SDK1: variants seen among roughly 807,000 people sequenced by gnomAD.
The protein encoded by SDK1 is sidekick cell adhesion molecule 1.
SDK1 carries 157 observed loss-of-function variants against 245.5 expected under a neutral mutation model. That is an observed-to-expected ratio of 0.64 (90% CI 0.56 to 0.73). The LOEUF is 0.73. SDK1 is among the 30% of genes least tolerant of loss of function. The pLI is 0.00. For missense variants in SDK1, 3,583 were observed against 3,002.3 expected (o/e 1.19, Z -4.52); for synonymous variants, 1,647 against 1,278.5 (o/e 1.29, Z -6.15).
chr7:4,007,636 G>T (rs535800221), intron 14 of SDK1, among the ~76,000 whole-genome samples: 1 of 152,120 alleles, frequency 6.6e-6, no homozygotes, highest in South Asian at 2.1e-4. Context: ...ACAGAGTCTT[G>T]CTCTGTCGCC....
chr7:3,954,863 C>T lies in SDK1; in HGVS notation c.1150+2943C>T, dbSNP rs557122479. Among the ~76,000 whole-genome samples, 4 of 152,062 alleles carry T rather than the reference C, an allele frequency of 2.6e-5. No homozygotes were observed. In the East Asian group the frequency reaches 7.9e-4, roughly 30 times the overall value. ...CATAACTCTATTATCCTATATGTCC[C>T]ATTGCACTCGCTATTTACCAATAAT... On this transcript the variant is annotated intron_variant, in intron 7 of 44. Coordinates refer to ENST00000404826, the MANE Select transcript of SDK1 (RefSeq NM_152744.4).
chr7:3,850,229 T>G (rs765723509), intron 5 of SDK1, among the ~76,000 whole-genome samples: 1 of 152,238 alleles, frequency 6.6e-6, no homozygotes, highest in African/African-American at 2.4e-5. Flanking sequence ...AGAAGCCTTC[T>G]TCTCTGCATC....
intron 20 of SDK1, among the ~76,000 whole-genome samples, chr7:4,073,714 A>G (rs7789676): frequency 0.42 from 64,023 of 152,090 alleles, 16,399 homozygotes; most frequent in African/African-American, 0.72. Context: ...CCTTGCACAC[A>G]TCAGGAGGAG....
intron 9 of SDK1, among the ~76,000 whole-genome samples, chr7:3,965,202 T>C (rs1273680582): frequency 6.6e-6 from 1 of 152,020 alleles, no homozygotes; most frequent in Non-Finnish European, 1.5e-5. Flanking sequence ...AAACACAGGG[T>C]GCAGGCTGAA....
chr7:4,249,002 T>A (rs1203030020), intron 44 of SDK1, among the ~76,000 whole-genome samples: 1 of 149,486 alleles, frequency 6.7e-6, no homozygotes, highest in Non-Finnish European at 1.5e-5. Flanking sequence ...AACACATACA[T>A]ACCTAAATAC....
At chr7:3,473,149 C>G (rs1781236608) in intron 1 of SDK1, among the ~76,000 whole-genome samples, 1 of 152,162 alleles carries the variant, frequency 6.6e-6, no homozygotes, top group Admixed American at 6.5e-5. Flanking sequence ...AGCATTGACT[C>G]TGATTGAAGA....
intron 1 of SDK1, among the ~76,000 whole-genome samples, chr7:3,602,449 T>C (rs1319919048): frequency 2.1e-5 from 2 of 96,948 alleles, no homozygotes; most frequent in Non-Finnish European, 5.2e-5. Flanking sequence ...CATTTTTTCA[T>C]GTCTTTTGGC....
chr7:3,855,956 G>A (rs896273503), intron 5 of SDK1, among the ~76,000 whole-genome samples: 11 of 152,104 alleles, frequency 7.2e-5, no homozygotes, highest in Admixed American at 2.0e-4. Context: ...TACTCCAGCA[G>A]TAAAAAAGCT....
intron 14 of SDK1, among the ~76,000 whole-genome samples, chr7:3,992,036 C>G (rs1362026820): frequency 1.3e-5 from 2 of 152,250 alleles, no homozygotes; most frequent in African/African-American, 4.8e-5. Flanking sequence ...GCGCCATCTA[C>G]TAGGTCTGTC....
Position 3,969,328 on chromosome 7 carries a change from A to G in SDK1, c.1618A>G (p.Ile540Val), listed in dbSNP as rs768935778. Residue 540 changes from isoleucine (I) to valine (V), a missense_variant, in exon 11 of 45, where the codon ATC becomes GTC. By Grantham distance (29) the Ile-to-Val change is conservative. Transcript: ENST00000404826. ...GCTTCTTGAATCGGGGGGTCTACAGATCGCGCCCGTCTTCATCCAGGATGC... is the reference window on the plus strand; with the variant it reads ...GCTTCTTGAATCGGGGGGTCTACAGGTCGCGCCCGTCTTCATCCAGGATGC... ...FMLLESGGLQ[I>V]APVFIQDAGN... is the part of the protein sequence containing the mutation. The G allele has an allele frequency of 3.7e-6, 6 of 1,611,050 alleles. No individual in the cohort carries two copies. The highest frequency in any genetic ancestry group is 5.1e-6 in the Non-Finnish European group (6 of 1,178,800).
chr7:3,912,593 C>G (rs1779212684), intron 5 of SDK1, among the ~76,000 whole-genome samples: 2 of 152,236 alleles, frequency 1.3e-5, no homozygotes, highest in Admixed American at 1.3e-4. Context: ...CCACCCACAA[C>G]TCCTCCAAAT....
At chr7:3,675,184 T>G (rs905333411) in intron 4 of SDK1, among the ~76,000 whole-genome samples, 1 of 152,192 alleles carries the variant, frequency 6.6e-6, no homozygotes, top group African/African-American at 2.4e-5. Flanking sequence ...CATGGCAGCT[T>G]TATCTTTCAA....
intron 1 of SDK1, among the ~76,000 whole-genome samples, chr7:3,451,951 C>A (rs1252007119): frequency 1.3e-5 from 2 of 152,142 alleles, no homozygotes; most frequent in Non-Finnish European, 2.9e-5. Context: ...TCCTTATGAG[C>A]TCTGACTCCA....
At chr7:4,239,967 A>G (rs559538508) in intron 42 of SDK1, among the ~76,000 whole-genome samples, 143 of 152,354 alleles carry the variant, frequency 9.4e-4, no homozygotes, top group African/African-American at 3.2e-3. Context: ...TAAAAAAACC[A>G]GTCACCTAAA....
At chr7:4,104,702 GTATT>G (rs904849515) in intron 22 of SDK1, among the ~76,000 whole-genome samples, 1 of 152,054 alleles carries the variant, frequency 6.6e-6, no homozygotes, top group African/African-American at 2.4e-5. Flanking sequence ...ATGCATGTAT[GTATT>G]TATTTATTTA....
intron 2 of SDK1, among the ~76,000 whole-genome samples, chr7:3,622,384 G>A (rs188550760): frequency 5.9e-5 from 9 of 152,262 alleles, no homozygotes; most frequent in Non-Finnish European, 1.3e-4. Context: ...GGGAGGCTGA[G>A]GCAGGAGAAT....
At chr7:4,040,260 A>G (rs1008305195) in intron 17 of SDK1, among the ~76,000 whole-genome samples, 1 of 152,148 alleles carries the variant, frequency 6.6e-6, no homozygotes, top group Admixed American at 6.5e-5. Context: ...TTCTTAATCC[A>G]GTCCCTGCTC....
chr7:3,771,087 A>T (rs1780394762), intron 4 of SDK1, among the ~76,000 whole-genome samples: 1 of 151,850 alleles, frequency 6.6e-6, no homozygotes, highest in South Asian at 2.1e-4. Flanking sequence ...GGCTCTGCTG[A>T]TCTGGACTGA....
intron 1 of SDK1, among the ~76,000 whole-genome samples, chr7:3,565,707 C>T (rs986472138): frequency 1.3e-4 from 20 of 152,176 alleles, no homozygotes; most frequent in Non-Finnish European, 2.8e-4. Context: ...ATAACCTGTG[C>T]GTATTCTCCT....
Sources: gnomAD v4.1 joint callset for allele counts (sites outside exome capture counted in the v4.1 genomes callset) on GRCh38, gnomAD v4.1.1 for gene constraint, MANE v1.5 for transcripts, NCBI Gene and HGNC (gene_info 2026-07-23, HGNC 2026-07-21) for gene names.